TVP23A: variants seen among roughly 807,000 people sequenced by gnomAD.
TVP23A encodes the protein Golgi apparatus membrane protein TVP23 homolog A.
A neutral mutation model predicts 31.7 loss-of-function variants in TVP23A; 21 were observed. The ratio of observed to expected loss-of-function variants is 0.66; its 90% CI spans 0.47 to 0.95. The LOEUF is 0.95. TVP23A is among the 40% of genes least tolerant of loss of function. The probability of loss-of-function intolerance (pLI) is 0.00; values close to 1 mark genes in which losing one functional copy is unlikely to be tolerated. For synonymous variants in TVP23A, 104 were observed against 96.0 expected, an observed-to-expected ratio of 1.08 and a Z score of -0.49; for missense variants, 279 against 255.6, an observed-to-expected ratio of 1.09 and a Z score of -0.62.
downstream of TVP23A, among the ~76,000 whole-genome samples, chr16:10,764,177 C>T (rs138869269): frequency 6.4e-3 from 956 of 148,324 alleles, 5 homozygotes; most frequent in Middle Eastern, 0.027. Flanking sequence ...TCTCAGCCCA[C>T]GGGAGCATCC....
chr16:10,757,948 C>T (rs748633430), downstream of TVP23A: 11 of 1,613,968 alleles, frequency 6.8e-6, no homozygotes, highest in Admixed American at 3.3e-5. This position sits in a 1 kb window ranked among gnomAD's most constrained non-coding sequence, Gnocchi z 4.1. Flanking sequence ...CCACCTGGGA[C>T]GTCGGATGAA....
chr16:10,800,078 T>C (rs1329081709), intron 2 of TVP23A, among the ~76,000 whole-genome samples: 2 of 151,062 alleles, frequency 1.3e-5, no homozygotes, highest in Non-Finnish European at 2.9e-5. Flanking sequence ...ATGCTTTTCA[T>C]TTTCTTTTCT....
intron 7 of TVP23A, 77 bp downstream of exon 7, chr16:10,770,195 G>A (rs752550334): frequency 4.8e-5 from 73 of 1,526,168 alleles, no homozygotes; most frequent in Non-Finnish European, 5.5e-5. Context: ...CCCAGACCCC[G>A]GGCCCCTGTG....
chr16:10,798,017 G>A (rs1201681187), intron 2 of TVP23A, among the ~76,000 whole-genome samples: 2 of 145,740 alleles, frequency 1.4e-5, no homozygotes, highest in African/African-American at 2.6e-5. Context: ...GTGCAGTGGC[G>A]CCATCTCGGC....
chr16:10,770,457 G>A, intron 6 of TVP23A, 126 bp from the exon 7 acceptor site: 1 of 1,043,380 alleles, frequency 9.6e-7, no homozygotes, highest in Non-Finnish European at 1.4e-6. Context: ...TTGATGTCTT[G>A]GCATAAAGCA....
intron 2 of TVP23A, among the ~76,000 whole-genome samples, chr16:10,782,993 C>CA (rs1228593116): frequency 1.3e-5 from 2 of 152,038 alleles, no homozygotes; most frequent in Admixed American, 1.3e-4. Flanking sequence ...ACCCACACTC[C>CA]AAAAAAATCT....
At chr16:10,791,563 G>C (rs557861069) in intron 2 of TVP23A, among the ~76,000 whole-genome samples, 122 of 152,286 alleles carry the variant, frequency 8.0e-4, no homozygotes, top group Middle Eastern at 3.4e-3. Flanking sequence ...AATAGGAAAA[G>C]GCTACCTCGG....
At chr16:10,771,824 G>T in intron 5 of TVP23A, 26 bp from the exon 6 acceptor site, 1 of 1,552,102 alleles carries the variant, frequency 6.4e-7, no homozygotes, top group South Asian at 1.2e-5. Context: ...GAAAGCAAAG[G>T]TCACTTTTTT....
chr16:10,798,434 G>C (rs552457867), intron 2 of TVP23A, among the ~76,000 whole-genome samples: 1 of 152,228 alleles, frequency 6.6e-6, no homozygotes, highest in East Asian at 1.9e-4. Flanking sequence ...CAGTGGACAC[G>C]GTAGATACCC....
At chr16:10,803,026 G>A (rs2033774539) in intron 2 of TVP23A, among the ~76,000 whole-genome samples, 1 of 152,190 alleles carries the variant, frequency 6.6e-6, no homozygotes, top group Non-Finnish European at 1.5e-5. Flanking sequence ...GCTCATGCCT[G>A]TAATCCCAGC....
rs1416272086 is a variant in TVP23A at position 10,817,989 on chromosome 16, C to CGGG, written c.89+113_89+114insCCC. 36 of 913,576 alleles carry CGGG rather than the reference C, an allele frequency of 3.9e-5. No homozygotes were observed. In the African/African-American group the frequency reaches 5.1e-4, roughly 13 times the overall value. 56.6% of individuals were successfully genotyped at this position (913,576 alleles called of 1,614,324 possible). A position where few individuals can be genotyped will look rare whatever the true frequency, so the allele number is the denominator to read the frequency against. ...TCTGATGTGTCCACAGATATGTCCC[C>CGGG]AGCCCCAGACCTGGCACACAGTAGG... On this transcript the variant is annotated intron_variant, in intron 2 of 7. Coordinates refer to ENST00000299866, the MANE Select transcript of TVP23A (RefSeq NM_001079512.4).
chr16:10,762,402 A>G (rs1360948104), downstream of TVP23A, among the ~76,000 whole-genome samples: 4 of 151,990 alleles, frequency 2.6e-5, 1 homozygote, highest in South Asian at 6.2e-4. Flanking sequence ...AGAGATGCCC[A>G]CTCCCTGAGT....
chr16:10,804,947 C>G (rs954203156), intron 2 of TVP23A, among the ~76,000 whole-genome samples: 1 of 151,930 alleles, frequency 6.6e-6, no homozygotes, highest in Admixed American at 6.6e-5. Flanking sequence ...CCATTCTCCC[C>G]ACTCCTCCCA....
At chr16:10,798,248 C>T (rs539922616) in intron 2 of TVP23A, among the ~76,000 whole-genome samples, 4 of 152,110 alleles carry the variant, frequency 2.6e-5, no homozygotes, top group South Asian at 4.1e-4. Context: ...TGTGCGCCCG[C>T]GCCCGGCCTT....
chr16:10,808,353 C>T (rs1035275180), intron 2 of TVP23A, among the ~76,000 whole-genome samples: 5 of 152,052 alleles, frequency 3.3e-5, no homozygotes, highest in Non-Finnish European at 7.4e-5. Context: ...ACTTGATTGG[C>T]TAGTTAGGGA....
Position 10,818,580 on chromosome 16 carries a change from G to A in TVP23A, c.-87C>T. The A allele has an allele frequency of 6.6e-7, 1 of 1,506,780 alleles. No individual in the cohort carries two copies. Among genetic ancestry groups the A allele is most frequent in the South Asian group, 1.2e-5 (1 of 81,894 alleles). 93.3% of individuals were successfully genotyped at this position (1,506,780 alleles called of 1,614,324 possible). ...GAAGGGGTCGGACGCCGGGCGGGCG[G>A]ATGTAGGCAGCAGACGGTGGACGCT... is the stretch of plus-strand genomic sequence containing the variant. On this transcript the variant is annotated 5_prime_UTR_variant, in exon 1 of 8. Transcript: ENST00000299866. This position sits in a 1 kb window ranked among gnomAD's most constrained non-coding sequence, Gnocchi z 4.7.
At chr16:10,793,715 G>A (rs1242556589) in intron 2 of TVP23A, among the ~76,000 whole-genome samples, 2 of 151,256 alleles carry the variant, frequency 1.3e-5, no homozygotes, top group Admixed American at 1.3e-4. Flanking sequence ...GGAAACATAG[G>A]GAGACCCTGT....
intron 2 of TVP23A, among the ~76,000 whole-genome samples, chr16:10,796,584 G>A (rs1316173865): frequency 6.6e-6 from 1 of 151,780 alleles, no homozygotes; most frequent in Non-Finnish European, 1.5e-5. Flanking sequence ...AGGCGCCCAC[G>A]ACCATGCCCA....
At chr16:10,807,933 G>A (rs1008991744) in intron 2 of TVP23A, among the ~76,000 whole-genome samples, 4 of 152,060 alleles carry the variant, frequency 2.6e-5, no homozygotes, top group African/African-American at 7.2e-5. Flanking sequence ...GGCTGGACTC[G>A]AACTCCTGGA....
Sources: allele counts gnomAD v4.1 joint callset (sites outside exome capture counted in the v4.1 genomes callset), GRCh38; gene constraint gnomAD v4.1.1; non-coding constraint Gnocchi (gnomAD v3.1); transcripts MANE v1.5; gene names NCBI Gene and HGNC (gene_info 2026-07-23, HGNC 2026-07-21).